Variants in GRID2 observed in about 807,000 individuals in gnomAD.
GRID2 encodes glutamate ionotropic receptor delta type subunit 2.
A neutral mutation model predicts 114.8 loss-of-function variants in GRID2; 33 were observed. The observed-to-expected ratio is 0.29, with a 90% CI of 0.22 to 0.38. GRID2 has a LOEUF of 0.38. Ranked by LOEUF, GRID2 falls within the 10% of genes least tolerant of loss-of-function variation. The pLI is 1.00. For synonymous variants in GRID2, 505 were observed against 449.9 expected (o/e 1.12, Z -1.55); for missense variants, 1,184 against 1,257.7 (o/e 0.94, Z 0.89).
At chr4:93,337,741 G>A (rs148311505) in intron 8 of GRID2, among the ~76,000 whole-genome samples, 3 of 152,252 alleles carry the variant, frequency 2.0e-5, no homozygotes, top group East Asian at 3.9e-4. Context: ...CTCAAAACTT[G>A]TGGCCGGACA....
intron 14 of GRID2, among the ~76,000 whole-genome samples, chr4:93,634,401 A>T (rs1227375650): frequency 6.6e-6 from 1 of 152,170 alleles, no homozygotes; most frequent in Non-Finnish European, 1.5e-5. Flanking sequence ...ATTTAGGTAG[A>T]GAAACTAAAA....
intron 1 of GRID2, among the ~76,000 whole-genome samples, chr4:92,502,398 ATGT>A (rs1270977997): frequency 6.6e-5 from 10 of 152,206 alleles, no homozygotes; most frequent in Middle Eastern, 3.4e-3. Context: ...ACTCTCGGTA[ATGT>A]TGTTGCCACA....
downstream of GRID2, among the ~76,000 whole-genome samples, chr4:93,778,590 G>T (rs1013139050): frequency 5.9e-5 from 9 of 151,830 alleles, no homozygotes; most frequent in African/African-American, 2.2e-4. Flanking sequence ...TAGAGACAGG[G>T]TTTCACCATG....
intron 10 of GRID2, among the ~76,000 whole-genome samples, chr4:93,452,029 T>C (rs1722737073): frequency 1.3e-5 from 2 of 152,138 alleles, no homozygotes; most frequent in Admixed American, 6.5e-5. Context: ...AAATAATACA[T>C]TTGTAAATTG....
Position 93,533,377 on chromosome 4 carries a change from T to C in GRID2, c.2193+17966T>C, listed in dbSNP as rs563275784. On this transcript the variant is annotated intron_variant, in intron 13 of 15. Coordinates refer to ENST00000282020, the MANE Select transcript of GRID2 (RefSeq NM_001510.4). ...CTCCCTTCCTTACTTCTCTCTCTCT[T>C]TCTTTCTTTCTTTCTTTCTTTTTTG... Among the ~76,000 whole-genome samples, 300 of 93,864 alleles carry C rather than the reference T, an allele frequency of 3.2e-3. 4 individuals carry two copies. Among genetic ancestry groups the C allele is most frequent in the African/African-American group, 8.2e-3 (235 of 28,650 alleles). 61.6% of individuals were successfully genotyped at this position (93,864 alleles called of 152,430 possible).
chr4:93,421,129 G>A (rs1768238762), intron 9 of GRID2, among the ~76,000 whole-genome samples: 2 of 152,100 alleles, frequency 1.3e-5, no homozygotes, highest in South Asian at 4.1e-4. Context: ...TTTCTCTGCT[G>A]TGTGTAGTCT....
intron 4 of GRID2, among the ~76,000 whole-genome samples, chr4:93,147,138 T>C (rs1217970585): frequency 6.6e-6 from 1 of 152,310 alleles, no homozygotes. Flanking sequence ...TCAGTAATTT[T>C]GAATACCAAT....
chr4:92,455,654 A>G (rs541794082), intron 1 of GRID2, among the ~76,000 whole-genome samples: 162 of 152,240 alleles, frequency 1.1e-3, no homozygotes, highest in African/African-American at 3.7e-3. Flanking sequence ...GAGGGAGACC[A>G]TTGTGTCTAG....
At chr4:92,898,762 C>G (rs1242000677) in intron 2 of GRID2, among the ~76,000 whole-genome samples, 1 of 152,054 alleles carries the variant, frequency 6.6e-6, no homozygotes, top group Non-Finnish European at 1.5e-5. Context: ...ACATTATGGG[C>G]CAAATACCAT....
chr4:93,006,076 A>G (rs75048786), intron 2 of GRID2, among the ~76,000 whole-genome samples: 2,364 of 152,120 alleles, frequency 0.016, 24 homozygotes, highest in East Asian at 0.053. Flanking sequence ...TTAAAATATC[A>G]CCTCTCACAA....
intron 8 of GRID2, among the ~76,000 whole-genome samples, chr4:93,334,932 A>C (rs1400056767): frequency 6.6e-6 from 1 of 152,050 alleles, no homozygotes; most frequent in South Asian, 2.1e-4. Context: ...ACTCCGTCTC[A>C]AAAAGAAAAA....
intron 2 of GRID2, among the ~76,000 whole-genome samples, chr4:92,966,471 A>T (rs142921269): frequency 1.3e-5 from 2 of 151,926 alleles, no homozygotes; most frequent in African/African-American, 4.8e-5. Context: ...GTGGGCTCTG[A>T]TATAGCTTGG....
intron 14 of GRID2, among the ~76,000 whole-genome samples, chr4:93,762,917 G>T (rs937706247): frequency 6.6e-6 from 1 of 152,074 alleles, no homozygotes; most frequent in South Asian, 2.1e-4. Flanking sequence ...ATCATCAGGG[G>T]CTGGATAAAG....
At chr4:93,430,331 C>T (rs1769288567) in intron 10 of GRID2, among the ~76,000 whole-genome samples, 2 of 152,262 alleles carry the variant, frequency 1.3e-5, no homozygotes, top group Non-Finnish European at 2.9e-5. Flanking sequence ...CACGCACCCA[C>T]CACCATACCC....
chr4:92,723,796 C>A (rs1045862751), intron 2 of GRID2, among the ~76,000 whole-genome samples: 1 of 152,098 alleles, frequency 6.6e-6, no homozygotes, highest in Non-Finnish European at 1.5e-5. Flanking sequence ...TAGGACTAAT[C>A]CCTTAAAAAT....
chr4:92,529,897 C>T (rs1487062350), intron 1 of GRID2, among the ~76,000 whole-genome samples: 1 of 151,922 alleles, frequency 6.6e-6, no homozygotes, highest in Non-Finnish European at 1.5e-5. Context: ...TAGTAAAAAG[C>T]TTTAGAGATA....
chr4:93,394,934 A>G (rs1275453407), intron 8 of GRID2, among the ~76,000 whole-genome samples: 1 of 152,012 alleles, frequency 6.6e-6, no homozygotes, highest in Admixed American at 6.6e-5. Context: ...TCAGATTTGT[A>G]CATTCCAAGA....
rs540633669 is a variant in GRID2, at chr4:92,950,800, A to G, written c.245-134195A>G. Among the ~76,000 whole-genome samples the G allele has an allele frequency of 3.9e-5, 6 of 152,318 alleles. No individual in the cohort carries two copies. In the East Asian group the frequency reaches 9.6e-4, roughly 24 times the overall value. ...TTCGTGTAGTGTGTACTAGAAAAGT[A>G]TTGCCTTCCAGGTAAAAGAGAAGAA... On this transcript the variant is annotated intron_variant, in intron 2 of 15. Transcript: ENST00000282020.
intron 2 of GRID2, among the ~76,000 whole-genome samples, chr4:92,905,689 G>A (rs1747894021): frequency 6.6e-6 from 1 of 151,902 alleles, no homozygotes; most frequent in African/African-American, 2.4e-5. Context: ...CTCATATGGG[G>A]CTAGAAGCTC....
Sources: gnomAD v4.1 joint callset for allele counts (sites outside exome capture counted in the v4.1 genomes callset) on GRCh38, gnomAD v4.1.1 for gene constraint, MANE v1.5 for transcripts, NCBI Gene and HGNC (gene_info 2026-07-23, HGNC 2026-07-21) for gene names.